Variants in EGFL6 observed in about 807,000 individuals in gnomAD.
EGFL6 encodes epidermal growth factor-like protein 6.
EGFL6 carries 42 observed loss-of-function variants against 43.1 expected under a neutral mutation model. The ratio of observed to expected loss-of-function variants is 0.98; its 90% CI spans 0.76 to 1.26. EGFL6 has a LOEUF of 1.26. Among genes scored for constraint, EGFL6 ranks in the 50% most tolerant of loss-of-function variants. The pLI, the probability that EGFL6 is intolerant of heterozygous loss-of-function variation, is 0.00. For synonymous variants in EGFL6, 164 were observed against 163.2 expected (o/e 1.01, Z -0.04); for missense variants, 429 against 427.8 (o/e 1.00, Z -0.02).
At chrX:13,608,192 C>A in intron 6 of EGFL6, 132 bp from the exon 7 acceptor site, 1 of 832,538 alleles carries the variant, frequency 1.2e-6, no homozygotes, top group Non-Finnish European at 1.7e-6. Context: ...TTCTGAACAC[C>A]TCTCAGTTCT....
chrX:13,630,898 A>C (rs1464133836), intron 11 of EGFL6, among the ~76,000 whole-genome samples: 1 of 112,569 alleles, frequency 8.9e-6, no homozygotes, highest in Non-Finnish European at 1.9e-5. Flanking sequence ...TGATTCTTAA[A>C]GGGTCTTTCT....
chrX:13,597,648 G>T (rs1020855164), intron 3 of EGFL6, among the ~76,000 whole-genome samples: 4 of 111,484 alleles, frequency 3.6e-5, no homozygotes, highest in African/African-American at 1.3e-4. Context: ...GCCAGGCGTG[G>T]TGGCGAATGC....
intron 1 of EGFL6, among the ~76,000 whole-genome samples, chrX:13,573,585 A>G (rs2045454766): frequency 8.9e-6 from 1 of 112,323 alleles, no homozygotes; most frequent in Non-Finnish European, 1.9e-5. Context: ...GTCTTCATAA[A>G]TCAGATTGGC....
At chrX:13,627,850 G>T (rs2045790158) in intron 11 of EGFL6, among the ~76,000 whole-genome samples, 1 of 111,853 alleles carries the variant, frequency 8.9e-6, no homozygotes, top group African/African-American at 3.2e-5. Context: ...GAGGCTTGCA[G>T]TTTTTGTCTC....
chrX:13,605,475 A>T (rs1294007763), intron 5 of EGFL6, among the ~76,000 whole-genome samples: 8 of 106,762 alleles, frequency 7.5e-5, no homozygotes, highest in Non-Finnish European at 1.5e-4. Flanking sequence ...GCTACTCAGG[A>T]GGCTGAGGTG....
At position 13,633,162 on chromosome X, in the gene EGFL6, A is replaced by C. The variant is rs2045823252; in HGVS notation, c.*67A>C. ...GGTTTTTTTGATATTGCATCATAGG[A>C]CCTCTGGCATTTTAGAATTACTAGC... On this transcript the variant is annotated 3_prime_UTR_variant, in exon 12 of 12. Coordinates refer to ENST00000361306, the MANE Select transcript of EGFL6 (RefSeq NM_015507.4). 5.5e-6 allele frequency: 5 copies of C among 913,026 alleles called. No individual in the cohort carries two copies. The highest frequency in any genetic ancestry group is 6.0e-6 in the Non-Finnish European group (4 of 662,713). The allele number at this position is 913,026 out of a possible 1,213,427, so 75.2% of individuals were successfully genotyped here.
chrX:13,623,349 T>A (rs1293434376), intron 9 of EGFL6, among the ~76,000 whole-genome samples: 45 of 105,786 alleles, frequency 4.3e-4, no homozygotes, highest in African/African-American at 1.5e-3. Context: ...TTTTTTTTTT[T>A]TAAAAAAGGG....
intron 5 of EGFL6, among the ~76,000 whole-genome samples, chrX:13,605,269 A>G (rs2045653648): frequency 9.0e-6 from 1 of 111,622 alleles, no homozygotes; most frequent in Non-Finnish European, 1.9e-5. Context: ...CTCCATCTCT[A>G]TAAAAAACTT....
At position 13,619,331 on chromosome X, in the gene EGFL6, A is replaced by G. The variant is rs2370238; in HGVS notation, c.1183+88A>G. ...CATACAGTGAAATGATTGTTTATGA[A>G]TCCCTGCTTCATTCGTAAACCCCCA... On this transcript the variant is annotated intron_variant, in intron 9 of 11. Coordinates refer to ENST00000361306, the MANE Select transcript of EGFL6 (RefSeq NM_015507.4). The G allele has an allele frequency of 2.7e-4, 222 of 829,772 alleles. 1 individual carries two copies. In the South Asian group the frequency reaches 4.7e-3, roughly 17 times the overall value. The allele number at this position is 829,772 out of a possible 1,213,427, so 68.4% of individuals were successfully genotyped here.
intron 7 of EGFL6, among the ~76,000 whole-genome samples, chrX:13,613,251 C>G (rs368847851): frequency 1.3e-4 from 14 of 106,702 alleles, no homozygotes; most frequent in African/African-American, 4.5e-4. Flanking sequence ...CTCTACATTG[C>G]AATATGGAAA....
chrX:13,611,397 T>C (rs1229012166), intron 7 of EGFL6, among the ~76,000 whole-genome samples: 2 of 111,700 alleles, frequency 1.8e-5, no homozygotes, highest in Non-Finnish European at 3.8e-5. Flanking sequence ...GAAAATGTTG[T>C]GCATACAAAA....
At chrX:13,599,834 A>G (rs1271729955) in intron 3 of EGFL6, 141 bp from the exon 4 acceptor site, 1 of 541,568 alleles carries the variant, frequency 1.8e-6, no homozygotes, top group Non-Finnish European at 3.0e-6. Context: ...ATGGAATTTG[A>G]TGGTCAGAGA....
At chrX:13,573,389 C>T (rs765441063) in intron 1 of EGFL6, among the ~76,000 whole-genome samples, 1 of 112,085 alleles carries the variant, frequency 8.9e-6, no homozygotes, top group Non-Finnish European at 1.9e-5. Context: ...GTACCCAAAA[C>T]TAAAGAGCTG....
chrX:13,584,093 G>A (rs2045522044), intron 1 of EGFL6, among the ~76,000 whole-genome samples: 1 of 111,971 alleles, frequency 8.9e-6, no homozygotes, highest in Non-Finnish European at 1.9e-5. Context: ...TACCCTTAAG[G>A]TAAATACTGT....
intron 11 of EGFL6, among the ~76,000 whole-genome samples, chrX:13,629,761 G>A (rs886567143): frequency 3.6e-5 from 4 of 111,957 alleles, no homozygotes; most frequent in African/African-American, 1.3e-4. Context: ...CATTAGGCTG[G>A]GGGGGAAATT....
intron 1 of EGFL6, among the ~76,000 whole-genome samples, chrX:13,583,215 T>C (rs947373835): frequency 9.0e-6 from 1 of 110,738 alleles, no homozygotes; most frequent in Non-Finnish European, 1.9e-5. Flanking sequence ...CAACTCCCCA[T>C]GTTCTTAATG....
At position 13,603,383 on chromosome X, in the gene EGFL6, G is replaced by T. The variant is rs778874088; in HGVS notation, c.467G>T (p.Cys156Phe). The change falls in exon 5 of 12, where the codon TGC becomes TTC. Residue 156 changes from cysteine to phenylalanine, a missense_variant. Cys to Phe is a radical substitution (Grantham distance 205, BLOSUM62 -2). Coordinates refer to ENST00000361306, the MANE Select transcript of EGFL6 (RefSeq NM_015507.4). ...SCEDTEEGPQ[C>F]LCPSSGLRLA... ...GAAGACACAGAAGAAGGGCCACAGTGCCTGTGTCCATCCTCAGGACTCCGC... is the reference window on the plus strand; with the variant it reads ...GAAGACACAGAAGAAGGGCCACAGTTCCTGTGTCCATCCTCAGGACTCCGC... 2.5e-6 allele frequency: 3 copies of T among 1,209,436 alleles called. No individual in the cohort carries two copies. The East Asian group carries it at 8.9e-5, about 36-fold the overall frequency.
At chrX:13,625,898 A>G (rs1227340285) in intron 10 of EGFL6, among the ~76,000 whole-genome samples, 3 of 39,651 alleles carry the variant, frequency 7.6e-5, no homozygotes, top group Non-Finnish European at 1.8e-4. Flanking sequence ...AAAAAAAAAA[A>G]AAAAAGAAAA....
chrX:13,597,142 G>A (rs1490465887), intron 3 of EGFL6, among the ~76,000 whole-genome samples: 1 of 112,303 alleles, frequency 8.9e-6, no homozygotes, highest in Non-Finnish European at 1.9e-5. Flanking sequence ...ATAATGATTT[G>A]TGTCAACGGA....
Sources: allele counts gnomAD v4.1 joint callset (sites outside exome capture counted in the v4.1 genomes callset), GRCh38; gene constraint gnomAD v4.1.1; transcripts MANE v1.5; gene names NCBI Gene and HGNC (gene_info 2026-07-23, HGNC 2026-07-21).